Variants in MMS22L observed in about 807,000 individuals in gnomAD.
The protein encoded by MMS22L is MMS22 like, DNA repair protein.
A neutral mutation model predicts 159.1 loss-of-function variants in MMS22L; 74 were observed. The observed-to-expected ratio is 0.47, with a 90% CI of 0.39 to 0.56. The LOEUF is 0.56. Ranked by LOEUF, MMS22L falls within the 20% of genes least tolerant of loss-of-function variation. The pLI is 0.00. For missense variants in MMS22L, 1,351 were observed against 1,422.1 expected (o/e 0.95, Z 0.80); for synonymous variants, 517 against 506.9 (o/e 1.02, Z -0.27).
chr6:97,171,460 A>C (rs1803537743), intron 19 of MMS22L, among the ~76,000 whole-genome samples: 1 of 152,200 alleles, frequency 6.6e-6, no homozygotes, highest in Non-Finnish European at 1.5e-5. Flanking sequence ...AGAATGGCCA[A>C]AGAGACAGGG....
intron 14 of MMS22L, among the ~76,000 whole-genome samples, chr6:97,214,603 T>C (rs1487795543): frequency 1.3e-5 from 2 of 151,798 alleles, no homozygotes; most frequent in African/African-American, 4.8e-5. Context: ...AGCAGCCTAA[T>C]ATTGATTTCT....
chr6:97,280,107 G>A (rs1022209775), intron 3 of MMS22L, among the ~76,000 whole-genome samples: 8 of 152,094 alleles, frequency 5.3e-5, no homozygotes, highest in Non-Finnish European at 8.8e-5. Flanking sequence ...TCAATAAAAC[G>A]TATGACATGG....
chr6:97,214,931 A>C (rs942324208), intron 14 of MMS22L, among the ~76,000 whole-genome samples: 6 of 150,868 alleles, frequency 4.0e-5, no homozygotes, highest in Non-Finnish European at 7.4e-5. Flanking sequence ...CAACCAACCC[A>C]GTTGAGGCCC....
At chr6:97,162,980 A>G (rs1425732132) in intron 21 of MMS22L, among the ~76,000 whole-genome samples, 1 of 151,862 alleles carries the variant, frequency 6.6e-6, no homozygotes, top group Admixed American at 6.6e-5. Context: ...AAGTAATAAT[A>G]ACCATAAGGA....
intron 10 of MMS22L, chr6:97,253,935 T>C (rs1334881548): frequency 6.6e-6 from 1 of 152,278 alleles, no homozygotes. Context: ...TTTCTGAATA[T>C]GGTAGAAATT....
chr6:97,234,810 C>G (rs777895788), intron 11 of MMS22L, among the ~76,000 whole-genome samples: 1 of 152,086 alleles, frequency 6.6e-6, no homozygotes, highest in African/African-American at 2.4e-5. Flanking sequence ...AATGGAAAAG[C>G]CTTTTGAAGG....
At chr6:97,209,358 A>G (rs996978955) in intron 14 of MMS22L, among the ~76,000 whole-genome samples, 11 of 151,994 alleles carry the variant, frequency 7.2e-5, no homozygotes, top group African/African-American at 2.7e-4. Context: ...ACTTTTTAAT[A>G]TTCTGTGTGC....
chr6:97,232,168 G>GAACTA (rs1255805538), intron 12 of MMS22L, among the ~76,000 whole-genome samples: 4 of 152,074 alleles, frequency 2.6e-5, no homozygotes, highest in Non-Finnish European at 5.9e-5. Context: ...GTAGTACTAA[G>GAACTA]TAGTTCCTAT....
intron 22 of MMS22L, among the ~76,000 whole-genome samples, chr6:97,155,498 G>A (rs1182082037): frequency 3.3e-5 from 5 of 152,112 alleles, no homozygotes; most frequent in African/African-American, 1.2e-4. Context: ...GGTGTGTGAT[G>A]TTCCCCTCCC....
At chr6:97,241,609 C>T (rs1467652261) in intron 11 of MMS22L, among the ~76,000 whole-genome samples, 1 of 152,090 alleles carries the variant, frequency 6.6e-6, no homozygotes, top group Admixed American at 6.5e-5. Flanking sequence ...CTTTTGAGTA[C>T]TGCCTATTCA....
chr6:97,218,506 C>A (rs879694779), intron 14 of MMS22L, among the ~76,000 whole-genome samples: 1 of 152,108 alleles, frequency 6.6e-6, no homozygotes, highest in African/African-American at 2.4e-5. Context: ...ACTACATATG[C>A]TTCATGTGAC....
At chr6:97,178,878 C>T (rs551147675) in intron 17 of MMS22L, among the ~76,000 whole-genome samples, 6 of 152,006 alleles carry the variant, frequency 3.9e-5, no homozygotes, top group African/African-American at 1.4e-4. Flanking sequence ...TAACAAGTGG[C>T]CACAAACAAT....
chr6:97,264,679 A>AAGG (rs1814898156), intron 8 of MMS22L: 1 of 152,152 alleles, frequency 6.6e-6, no homozygotes, highest in Admixed American at 6.5e-5. Flanking sequence ...TATTTGAATA[A>AAGG]ATAAATGCAG....
intron 1 of MMS22L, chr6:97,282,878 C>G (rs988622866): frequency 6.4e-6 from 1 of 157,370 alleles, no homozygotes; most frequent in Non-Finnish European, 1.4e-5. Flanking sequence ...ACTCTCCGCC[C>G]GTTTCCCAGC....
chr6:97,167,812 GA>G (rs146435170), intron 20 of MMS22L, among the ~76,000 whole-genome samples: 6 of 149,028 alleles, frequency 4.0e-5, no homozygotes, highest in African/African-American at 1.2e-4. Flanking sequence ...GATGAGGTCT[GA>G]AAAAAAAAAT....
rs1554253251 is a variant in MMS22L at position 97,145,022 on chromosome 6, A to AAC, written c.*1783_*1784insGT. On this transcript the variant is annotated 3_prime_UTR_variant, in exon 25 of 25. Transcript: ENST00000683635. ...TATCAATCTCCTTTGGAAAAAAAAAACCCACACACACACACACACACACAC... is the reference window on the plus strand; with the variant it reads ...TATCAATCTCCTTTGGAAAAAAAAAAACCCCACACACACACACACACACACAC... The AAC allele has an allele frequency of 1.9e-5, 2 of 103,278 alleles. No individual in the cohort carries two copies. The highest frequency in any genetic ancestry group is 3.8e-5 in the Non-Finnish European group (2 of 52,844). The allele number at this position is 103,278 out of a possible 1,614,324, so 6.4% of individuals were successfully genotyped here. A position where few individuals can be genotyped will look rare whatever the true frequency, so the allele number is the denominator to read the frequency against.
chr6:97,199,947 T>C (rs903475129), intron 14 of MMS22L, among the ~76,000 whole-genome samples: 1 of 152,052 alleles, frequency 6.6e-6, no homozygotes, highest in South Asian at 2.1e-4. Flanking sequence ...ATCCCCTTTC[T>C]TCTGCTTTCT....
chr6:97,281,441 G>C, intron 2 of MMS22L, 79 bp from the exon 3 acceptor site: 2 of 1,209,198 alleles, frequency 1.7e-6, no homozygotes, highest in Non-Finnish European at 2.3e-6. Context: ...TACATTATTT[G>C]AATCCATATT....
At chr6:97,176,234 G>A (rs1439418089) in intron 18 of MMS22L, among the ~76,000 whole-genome samples, 1 of 152,046 alleles carries the variant, frequency 6.6e-6, no homozygotes, top group Non-Finnish European at 1.5e-5. Flanking sequence ...CACTATTTGT[G>A]CAAATATTAA....
Sources: allele counts gnomAD v4.1 joint callset (sites outside exome capture counted in the v4.1 genomes callset), GRCh38; gene constraint gnomAD v4.1.1; transcripts MANE v1.5; gene names NCBI Gene and HGNC (gene_info 2026-07-23, HGNC 2026-07-21).